TNXB: variants seen among roughly 807,000 people sequenced by gnomAD.
TNXB encodes tenascin XB.
A neutral mutation model predicts 340.5 loss-of-function variants in TNXB; 183 were observed. The observed-to-expected ratio is 0.54, with a 90% CI of 0.48 to 0.61. TNXB has a LOEUF of 0.61. TNXB is among the 20% of genes least tolerant of loss of function. The pLI is 0.00. For synonymous variants in TNXB, 2,121 were observed against 2,314.5 expected (o/e 0.92, Z 2.40); for missense variants, 4,613 against 5,446.4 (o/e 0.85, Z 4.82).
chr6:32,065,164 G>A, intron 18 of TNXB, 47 bp from the exon 19 acceptor site: 1 of 1,476,342 alleles, frequency 6.8e-7, no homozygotes, highest in Non-Finnish European at 9.1e-7. Flanking sequence ...GCAAGGAGGT[G>A]TTGAGGCCCC....
chr6:32,093,937 T>A (rs1780194997), intron 4 of TNXB, among the ~76,000 whole-genome samples: 1 of 151,460 alleles, frequency 6.6e-6, no homozygotes, highest in African/African-American at 2.4e-5. Context: ...CTACTAAAAA[T>A]ACAAACATTA....
At chr6:32,098,286 C>T (rs968791967) in intron 1 of TNXB, 80 bp from the exon 2 acceptor site, 42 of 1,191,006 alleles carry the variant, frequency 3.5e-5, no homozygotes, top group East Asian at 5.2e-5. Context: ...CACATACCCA[C>T]GGTCCCACCA....
chr6:32,098,037 G>T lies in TNXB; in HGVS notation c.162C>A (p.Ser54Arg). Residue 54 changes from serine to arginine, a missense_variant, in exon 2 of 44, where the codon AGC becomes AGA. By Grantham distance (110) the Ser-to-Arg change is moderately radical. Around this residue, in one of 7 missense-constraint regions of TNXB, gnomAD observed 4,327 missense variants for 4,859.4 expected, o/e 0.89. Coordinates refer to ENST00000644971, the MANE Select transcript of TNXB (RefSeq NM_001365276.2). ...GGHTVGAGVG[S>R]PSSQLYEHTV... ...TGTGCTCGTAAAGCTGAGAAGAGGGGCTTCCCACTCCAGCCCCCACTGTGT... is the reference window on the plus strand; with the variant it reads ...TGTGCTCGTAAAGCTGAGAAGAGGGTCTTCCCACTCCAGCCCCCACTGTGT... The T allele has an allele frequency of 6.2e-7, 1 of 1,607,212 alleles. No individual in the cohort carries two copies. Among genetic ancestry groups the T allele is most frequent in the South Asian group, 1.1e-5 (1 of 89,528 alleles).
At position 32,058,279 on chromosome 6, in the gene TNXB, G is replaced by A. The variant is rs1777799930; in HGVS notation, c.7604C>T (p.Pro2535Leu). 6.2e-7 allele frequency: 1 copy of A among 1,612,286 alleles called. No individual in the cohort carries two copies. The highest frequency in any genetic ancestry group is 2.2e-5 in the East Asian group (1 of 44,890). Reference protein sequence around the residue: ...LGELTVTGSSPDSLSLSWTVP... With the variant: ...LGELTVTGSSLDSLSLSWTVP... The stretch of plus-strand genomic sequence containing the variant: ...GGTCCAGGAAAGGCTCAGCGAGTCA[G>A]GGGAGGATCCTGTCACTGTCAGCTC... Residue 2535 changes from proline (P) to leucine (L), a missense_variant, in exon 22 of 44, where the codon CCT (proline) becomes CTT (leucine). By Grantham distance (98) the Pro-to-Leu change is moderately conservative. Transcript: ENST00000644971. The surrounding 1 kb of genome is among the most constrained non-coding windows in gnomAD (Gnocchi z 5.1).
Position 32,069,574 on chromosome 6 carries a change from T to A in TNXB, c.5566A>T (p.Ile1856Phe). Residue 1856 changes from isoleucine to phenylalanine, a missense_variant, in exon 15 of 44, where the codon ATC becomes TTC. Ile to Phe is a conservative substitution (Grantham distance 21, BLOSUM62 0). This residue lies in a region of TNXB where 4,327 missense variants were observed against 4,859.4 expected (regional missense o/e 0.89). Coordinates refer to ENST00000644971, the MANE Select transcript of TNXB (RefSeq NM_001365276.2). The surrounding 1 kb of genome is among the most constrained non-coding windows in gnomAD (Gnocchi z 6.2). ...GLHHGKRVGP[I>F]SAVAITAGRE... ...TCACCAGTAATGGCGACGGCCGAGA[T>A]GGGGCCCACACGCTTGCCGTGGTGC... 6.3e-7 allele frequency: 1 copy of A among 1,577,120 alleles called. No individual in the cohort carries two copies. Among genetic ancestry groups the A allele is most frequent in the Non-Finnish European group, 8.6e-7 (1 of 1,157,842 alleles).
At position 32,097,740 on chromosome 6, in the gene TNXB, C is replaced by G. The variant is rs1463400620; in HGVS notation, c.403+56G>C. The stretch of plus-strand genomic sequence containing the variant: ...AATTCATACCAAGGACCTTTATGGA[C>G]TAGCAATGCCCACCCCACCCCACCT... On this transcript the variant is annotated intron_variant, in intron 2 of 43. Coordinates refer to ENST00000644971, the MANE Select transcript of TNXB (RefSeq NM_001365276.2). This position sits in a 1 kb window ranked among gnomAD's most constrained non-coding sequence, Gnocchi z 5.9. 2.0e-6 allele frequency: 3 copies of G among 1,481,164 alleles called. No individual in the cohort carries two copies. The highest frequency in any genetic ancestry group is 2.3e-5 in the East Asian group (1 of 43,428). 91.8% of individuals were successfully genotyped at this position (1,481,164 alleles called of 1,614,324 possible).
In TNXB at chr6:32,050,280, T is replaced by C; in HGVS notation, c.9157A>G (p.Met3053Val). ...EAETTQAVPT[M>V]TPEPPIKPRL... ...GGCTTGATGGGGGGCTCAGGGGTCA[T>C]GGTAGGCACTGCTTGGGTGGTCTCG... The change falls in exon 27 of 44, where the codon ATG becomes GTG. Residue 3053 changes from methionine (M) to valine (V), a missense_variant. Physicochemically the swap from Met to Val is conservative, Grantham distance 21 (BLOSUM62 1). Transcript: ENST00000644971. The C allele has an allele frequency of 1.5e-5, 24 of 1,613,338 alleles. No homozygotes were observed. Among genetic ancestry groups the C allele is most frequent in the Non-Finnish European group, 1.9e-5 (22 of 1,179,820 alleles).
rs749166979 is a variant in TNXB at position 32,070,305 on chromosome 6, C to G, written c.5100G>C (p.Gln1700His). ...LRLSWTVPEG[Q>H]FDSFVVQFKD... ...TGAACTGGACCACAAAAGAGTCGAACTGGCCCTCAGGAACCGTCCAGGAGA... is the reference window on the plus strand; with the variant it reads ...TGAACTGGACCACAAAAGAGTCGAAGTGGCCCTCAGGAACCGTCCAGGAGA... The change falls in exon 14 of 44, where the codon CAG becomes CAC. Residue 1700 changes from glutamine (Q) to histidine (H), a missense_variant. Gln to His is a conservative substitution (Grantham distance 24). Coordinates refer to ENST00000644971, the MANE Select transcript of TNXB (RefSeq NM_001365276.2). This position sits in a 1 kb window ranked among gnomAD's most constrained non-coding sequence, Gnocchi z 6.0. 2.5e-6 allele frequency: 4 copies of G among 1,612,902 alleles called. No individual in the cohort carries two copies. The East Asian group carries it at 8.9e-5, about 36-fold the overall frequency.
At chr6:32,056,496 C>A in intron 23 of TNXB, 90 bp downstream of exon 23, 1 of 1,543,316 alleles carries the variant, frequency 6.5e-7, no homozygotes, top group Non-Finnish European at 8.8e-7. Flanking sequence ...GCTGACCGGA[C>A]CCCTGGCCCA....
At position 32,068,029 on chromosome 6, in the gene TNXB, G is replaced by A; in HGVS notation, c.6221-45C>T. On this transcript the variant is annotated intron_variant, in intron 17 of 43. Coordinates refer to ENST00000644971, the MANE Select transcript of TNXB (RefSeq NM_001365276.2). The surrounding 1 kb of genome is among the most constrained non-coding windows in gnomAD (Gnocchi z 5.3). Reference sequence around the variant, plus strand: ...AGTGAGGGGGATGTCCTTGGGTACTGGGGAAAAGGAGGGAGAAGCCAAGGC... The same window carrying A: ...AGTGAGGGGGATGTCCTTGGGTACTAGGGAAAAGGAGGGAGAAGCCAAGGC... 1 of 1,588,884 alleles carries A rather than the reference G, an allele frequency of 6.3e-7. No individual in the cohort carries two copies. The highest frequency in any genetic ancestry group is 8.6e-7 in the Non-Finnish European group (1 of 1,165,984).
intron 4 of TNXB, among the ~76,000 whole-genome samples, chr6:32,092,306 G>A (rs892449910): frequency 6.6e-6 from 1 of 152,230 alleles, no homozygotes; most frequent in East Asian, 1.9e-4. Context: ...CTGAGTCAGA[G>A]TAACAGTGCC....
rs750130785 is a variant in TNXB, at chr6:32,055,876, G to A, written c.8442C>T (p.Gly2814=). The change falls in exon 24 of 44, where the codon GGC becomes GGT. Residue 2814 remains glycine, a synonymous_variant. Coordinates refer to ENST00000644971, the MANE Select transcript of TNXB (RefSeq NM_001365276.2). ...CTGTCACACCCACGGTGGACACCGG[G>A]CCCACACGCCGCCCCTCGTGGAGGC... ...LYGLHEGRRV[G]PVSTVGVTAP... 1.9e-6 allele frequency: 3 copies of A among 1,612,450 alleles called. No homozygotes were observed. The highest frequency in any genetic ancestry group is 2.5e-6 in the Non-Finnish European group (3 of 1,179,264).
rs1011570422 is a variant in TNXB, at chr6:32,081,766, G to T, written c.3737-93C>A. 6.7e-5 allele frequency: 52 copies of T among 771,660 alleles called. 1 individual carries two copies. In the East Asian group the frequency reaches 1.0e-3, roughly 15 times the overall value. 47.8% of individuals were successfully genotyped at this position (771,660 alleles called of 1,614,324 possible). ...GGATGTCACACCTATGGGGGGTGGG[G>T]GGTCACTAGTCCATTAATTCGAGTG... On this transcript the variant is annotated intron_variant, in intron 9 of 43. Transcript: ENST00000644971. The surrounding 1 kb of genome is among the most constrained non-coding windows in gnomAD (Gnocchi z 5.1).
Position 32,096,046 on chromosome 6 carries a change from C to T in TNXB, c.1807G>A (p.Gly603Ser), listed in dbSNP as rs754481329. 6.8e-6 allele frequency: 11 copies of T among 1,613,190 alleles called. No individual in the cohort carries two copies. The Admixed American group carries it at 1.8e-4, about 27-fold the overall frequency. ...DCSQHGVCQDGVCICWEGYVS... is the reference protein window; with the variant it reads ...DCSQHGVCQDSVCICWEGYVS... ...TAGCCTTCCCAACAGATGCACACAC[C>T]GTCCTGGCACACGCCGTGCTGGCTG... The change falls in exon 3 of 44, where the codon GGT becomes AGT. Residue 603 changes from glycine to serine, a missense_variant. Physicochemically the swap from Gly to Ser is moderately conservative, Grantham distance 56. Transcript: ENST00000644971.
At position 32,061,493 on chromosome 6, in the gene TNXB, C is replaced by T. The variant is rs369070722; in HGVS notation, c.7396G>A (p.Val2466Met). The T allele has an allele frequency of 1.4e-5, 23 of 1,613,452 alleles. No individual in the cohort carries two copies. In the Admixed American group the frequency reaches 2.2e-4, roughly 15 times the overall value. The change falls in exon 21 of 44, where the codon GTG becomes ATG. Residue 2466 changes from valine to methionine, a missense_variant. Around this residue, in one of 7 missense-constraint regions of TNXB, gnomAD observed 4,327 missense variants for 4,859.4 expected, o/e 0.89. Transcript: ENST00000644971. This position sits in a 1 kb window ranked among gnomAD's most constrained non-coding sequence, Gnocchi z 4.4. ...TTGCGCCCAGGCTCCAGGCCCCCCA[C>T]GGTGACCTCGCTCTCCTCGCCCCCA... is the stretch of plus-strand genomic sequence containing the variant. ...RVGGEESEVT[V>M]GGLEPGRKYK...
chr6:32,050,242 C>A lies in TNXB; in HGVS notation c.9195G>T (p.Glu3065Asp). ...PEPPIKPRLG[E>D]LTVTDATPDS... Reference sequence around the variant, plus strand: ...CGGGGGTGGCATCTGTCACGGTCAGCTCCCCCAGGCGAGGCTTGATGGGGG... The same window carrying A: ...CGGGGGTGGCATCTGTCACGGTCAGATCCCCCAGGCGAGGCTTGATGGGGG... The change falls in exon 27 of 44, where the codon GAG (glutamate) becomes GAT (aspartate). Residue 3065 changes from glutamate (E) to aspartate (D), a missense_variant. By Grantham distance (45) the Glu-to-Asp change is conservative. Coordinates refer to ENST00000644971, the MANE Select transcript of TNXB (RefSeq NM_001365276.2). The A allele has an allele frequency of 1.9e-6, 3 of 1,613,608 alleles. No individual in the cohort carries two copies. The highest frequency in any genetic ancestry group is 2.5e-6 in the Non-Finnish European group (3 of 1,179,848).
chr6:32,097,274 A>T lies in TNXB; in HGVS notation c.579T>A (p.Asp193Glu). ...ASGSCPDDCN[D>E]QGRCVRGRCV... is the part of the protein sequence containing the mutation. ...AACGACCACGGACACAGCGACCCTG[A>T]TCATTGCAGTCATCTGGGCAGGACC... Residue 193 changes from aspartate to glutamate, a missense_variant, in exon 3 of 44, where the codon GAT (aspartate) becomes GAA (glutamate). Asp to Glu is a conservative substitution (Grantham distance 45). Coordinates refer to ENST00000644971, the MANE Select transcript of TNXB (RefSeq NM_001365276.2). This position sits in a 1 kb window ranked among gnomAD's most constrained non-coding sequence, Gnocchi z 5.9. 1 of 1,613,138 alleles carries T rather than the reference A, an allele frequency of 6.2e-7. No individual in the cohort carries two copies. The highest frequency in any genetic ancestry group is 8.5e-7 in the Non-Finnish European group (1 of 1,179,606).
chr6:32,059,418 CAA>C (rs571985819), intron 21 of TNXB, among the ~76,000 whole-genome samples: 4 of 36,510 alleles, frequency 1.1e-4, no homozygotes, highest in Non-Finnish European at 2.2e-4. Context: ...GACTCAGTCT[CAA>C]AAAAAAAAAA....
rs761408641 is a variant in TNXB at position 32,096,543 on chromosome 6, C to T, written c.1310G>A (p.Arg437His). The T allele has an allele frequency of 6.4e-7, 1 of 1,572,012 alleles. No individual in the cohort carries two copies. The highest frequency in any genetic ancestry group is 1.2e-5 in the South Asian group (1 of 86,094). The change falls in exon 3 of 44, where the codon CGC becomes CAC. Residue 437 changes from arginine (R) to histidine (H), a missense_variant. This residue lies in a region of TNXB where 4,327 missense variants were observed against 4,859.4 expected (regional missense o/e 0.89). Transcript: ENST00000644971. Reference protein sequence around the residue: ...GTDCGSRACPRDCRGRGRCEN... With the variant: ...GTDCGSRACPHDCRGRGRCEN... ...GCAGCGCCCGCGACCTCTACAGTCG[C>T]GTGGGCAGGCGCGCGAGCCGCAATC...
Sources: gnomAD v4.1 joint callset for allele counts (sites outside exome capture counted in the v4.1 genomes callset) on GRCh38, gnomAD v4.1.1 for gene constraint, gnomAD v4.1.1 regional missense constraint, Gnocchi (gnomAD v3.1) non-coding constraint, MANE v1.5 for transcripts, NCBI Gene and HGNC (gene_info 2026-07-23, HGNC 2026-07-21) for gene names.